Variants in SV2C observed in about 807,000 individuals in gnomAD.
SV2C encodes solute carrier family 22 member B3.
In SV2C, 49 loss-of-function variants were observed where a neutral mutation model predicts 79.7. The ratio of observed to expected loss-of-function variants is 0.61; its 90% CI spans 0.49 to 0.78. The LOEUF (loss-of-function observed/expected upper bound fraction) is 0.78, where lower values mean the gene tolerates loss of function less well. Among genes scored for constraint, SV2C ranks in the 30% least tolerant of loss-of-function variants. SV2C has a pLI of 0.00. For missense variants in SV2C, 833 were observed against 912.9 expected (o/e 0.91, Z 1.13); for synonymous variants, 334 against 333.2 (o/e 1.00, Z -0.03).
the SV2C span, among the ~76,000 whole-genome samples, chr5:75,939,128 A>G: frequency 4.6e-5 from 7 of 152,198 alleles, no homozygotes; most frequent in South Asian, 6.2e-4. Context: ...CACTCAATGT[A>G]CCATATACTC....
intron 4 of SV2C, among the ~76,000 whole-genome samples, chr5:76,213,062 A>G (rs1744812189): frequency 6.6e-6 from 1 of 152,226 alleles, no homozygotes; most frequent in Non-Finnish European, 1.5e-5. Context: ...GCTGACATCA[A>G]CTTTTATGTT....
At chr5:75,922,254 A>T in the SV2C span, among the ~76,000 whole-genome samples, 1 of 152,196 alleles carries the variant, frequency 6.6e-6, no homozygotes, top group South Asian at 2.1e-4. Context: ...ATTCTCATTC[A>T]AAATCTAGTC....
the SV2C span, among the ~76,000 whole-genome samples, chr5:75,945,679 C>A: frequency 6.6e-6 from 1 of 151,778 alleles, no homozygotes; most frequent in African/African-American, 2.4e-5. Context: ...ATAGCTTAGA[C>A]CATAGAACAA....
the SV2C span, among the ~76,000 whole-genome samples, chr5:75,863,438 G>A: frequency 2.6e-5 from 4 of 152,154 alleles, no homozygotes; most frequent in East Asian, 3.9e-4. Flanking sequence ...GTAAATTGTC[G>A]TAAAATTGGA....
At chr5:75,884,042 G>A in the SV2C span, among the ~76,000 whole-genome samples, 1 of 152,058 alleles carries the variant, frequency 6.6e-6, no homozygotes, top group African/African-American at 2.4e-5. Context: ...AATTAATAAA[G>A]ACTGGGGATC....
intron 2 of SV2C, among the ~76,000 whole-genome samples, chr5:76,171,686 A>G (rs1272453920): frequency 9.5e-4 from 126 of 132,930 alleles, no homozygotes; most frequent in Middle Eastern, 8.6e-3. Flanking sequence ...CCGCCCGGCC[A>G]GCCGTGCCGT....
At chr5:75,942,620 G>T in the SV2C span, among the ~76,000 whole-genome samples, 1 of 152,108 alleles carries the variant, frequency 6.6e-6, no homozygotes, top group Non-Finnish European at 1.5e-5. Flanking sequence ...AGCTAGACTC[G>T]AATCTGTGTC....
the SV2C span, among the ~76,000 whole-genome samples, chr5:76,060,079 G>A: frequency 9.6e-3 from 1,461 of 152,260 alleles, 20 homozygotes; most frequent in African/African-American, 0.034. Flanking sequence ...AAACCACGCT[G>A]TAAACAGATG....
the SV2C span, among the ~76,000 whole-genome samples, chr5:76,029,254 T>C: frequency 2.0e-5 from 3 of 152,362 alleles, no homozygotes; most frequent in South Asian, 6.2e-4. Context: ...TCTATCCTCT[T>C]ACAATTTTCA....
chr5:76,324,611 A>G (rs939814351), intron 12 of SV2C, among the ~76,000 whole-genome samples: 1 of 152,114 alleles, frequency 6.6e-6, no homozygotes, highest in South Asian at 2.1e-4. Context: ...TGGGAGGCCA[A>G]GACAAGAGGA....
intron 7 of SV2C, 106 bp from the exon 8 acceptor site, chr5:76,291,662 C>A: frequency 1.3e-6 from 1 of 748,268 alleles, no homozygotes; most frequent in Non-Finnish European, 2.2e-6. Flanking sequence ...TGAAATGAAT[C>A]CAACCCAATG....
chr5:76,082,115 C>T (rs1282503318), upstream of SV2C: 1 of 152,310 alleles, frequency 6.6e-6, no homozygotes, highest in African/African-American at 2.4e-5. Flanking sequence ...GTCACCACCA[C>T]AGGAGCAACG....
the SV2C span, among the ~76,000 whole-genome samples, chr5:75,900,329 G>A: frequency 6.6e-6 from 1 of 152,148 alleles, no homozygotes; most frequent in African/African-American, 2.4e-5. Flanking sequence ...ATGAAGCTTA[G>A]TTTGGCTGGA....
At chr5:76,144,028 C>T (rs1749343247) in intron 2 of SV2C, among the ~76,000 whole-genome samples, 1 of 152,108 alleles carries the variant, frequency 6.6e-6, no homozygotes, top group Admixed American at 6.5e-5. Flanking sequence ...AATTTTCAGA[C>T]TGGGATTTTC....
intron 4 of SV2C, among the ~76,000 whole-genome samples, chr5:76,218,891 G>A (rs982975109): frequency 1.0e-3 from 1 of 1,004 alleles, no homozygotes; most frequent in Non-Finnish European, 2.0e-3. Context: ...GTTTGGGTCA[G>A]GGAGGAAGAA....
chr5:75,866,099 G>A, the SV2C span, among the ~76,000 whole-genome samples: 19 of 152,300 alleles, frequency 1.2e-4, no homozygotes, highest in South Asian at 2.1e-3. Flanking sequence ...ACTTATGGGG[G>A]ATTCAGTGAA....
At chr5:75,918,914 C>A in the SV2C span, among the ~76,000 whole-genome samples, 1 of 152,180 alleles carries the variant, frequency 6.6e-6, no homozygotes, top group Non-Finnish European at 1.5e-5. Flanking sequence ...CAGGGTAGTA[C>A]GTATGTGAAG....
rs1482524141 is a variant in SV2C, at chr5:76,201,881, G to A, written c.761+6782G>A. ...AAAATACAAAAAATTAGCCAGGCGT[G>A]GTGGCAGGCGCCTGTAGTCCCAGCC... On this transcript the variant is annotated intron_variant, in intron 3 of 12. Transcript: ENST00000502798. Among the ~76,000 whole-genome samples, 8 of 152,148 alleles carry A rather than the reference G, an allele frequency of 5.3e-5. No individual in the cohort carries two copies. The East Asian group carries it at 1.5e-3, about 29-fold the overall frequency.
chr5:76,308,050 C>CTGTT lies in SV2C; in HGVS notation c.2000+6508_2000+6511dup, dbSNP rs529861352. Among the ~76,000 whole-genome samples, 56 of 152,158 alleles carry CTGTT rather than the reference C, an allele frequency of 3.7e-4. 1 individual carries two copies. The East Asian group carries it at 9.6e-3, about 26-fold the overall frequency. ...CATCTATTGATTGTCTTTTTTCATTCTGTTTGAAATCTTCCTGTTTATTTG... is the reference window on the plus strand; with the variant it reads ...CATCTATTGATTGTCTTTTTTCATTCTGTTTGTTTGAAATCTTCCTGTTTATTTG... On this transcript the variant is annotated intron_variant, in intron 12 of 12. Transcript: ENST00000502798.
Sources: allele counts gnomAD v4.1 joint callset (sites outside exome capture counted in the v4.1 genomes callset), GRCh38; gene constraint gnomAD v4.1.1; transcripts MANE v1.5; gene names NCBI Gene and HGNC (gene_info 2026-07-23, HGNC 2026-07-21).